Variants in NEBL observed in about 807,000 individuals in gnomAD.
NEBL encodes the protein LIM and SH3 protein 2.
NEBL carries 122 observed loss-of-function variants against 140.2 expected under a neutral mutation model. The observed-to-expected ratio is 0.87, with a 90% confidence interval of 0.75 to 1.01. The LOEUF (loss-of-function observed/expected upper bound fraction) is 1.01. NEBL is among the 50% of genes least tolerant of loss of function. The pLI is 0.00. For synonymous variants in NEBL, 436 were observed against 398.9 expected (o/e 1.09, Z -1.11); for missense variants, 1,365 against 1,231.3 (o/e 1.11, Z -1.62).
At chr10:20,970,635 C>A (rs1368169731) in intron 3 of NEBL, among the ~76,000 whole-genome samples, 1 of 151,130 alleles carries the variant, frequency 6.6e-6, no homozygotes, top group South Asian at 2.1e-4. Flanking sequence ...GAAAACAGAG[C>A]GAGACCTCAT....
At chr10:20,972,342 A>T (rs961328003) in intron 3 of NEBL, among the ~76,000 whole-genome samples, 1 of 152,238 alleles carries the variant, frequency 6.6e-6, no homozygotes, top group Non-Finnish European at 1.5e-5. Flanking sequence ...TGATCAGGCA[A>T]ACACCAACTG....
At chr10:21,242,836 G>C (rs1483589628) in intron 3 of NEBL, among the ~76,000 whole-genome samples, 2 of 152,134 alleles carry the variant, frequency 1.3e-5, no homozygotes, top group African/African-American at 4.8e-5. Flanking sequence ...TAAGGAAGCT[G>C]TAAACCAAGT....
chr10:21,179,505 T>C (rs984521293), upstream of NEBL, among the ~76,000 whole-genome samples: 4 of 150,222 alleles, frequency 2.7e-5, no homozygotes, highest in African/African-American at 9.9e-5. Flanking sequence ...CGCTCCATCA[T>C]CCCCTTAAGA....
At chr10:21,039,273 T>C (rs982866920) in intron 2 of NEBL, among the ~76,000 whole-genome samples, 3 of 152,192 alleles carry the variant, frequency 2.0e-5, no homozygotes, top group African/African-American at 7.2e-5. Context: ...CCATTGCTTT[T>C]GGTGTTTTAG....
chr10:20,805,677 AC>A (rs942339830), intron 26 of NEBL, among the ~76,000 whole-genome samples: 3 of 151,986 alleles, frequency 2.0e-5, no homozygotes, highest in African/African-American at 7.3e-5. Flanking sequence ...ACACGGTGAA[AC>A]CCCATCTCTA....
intron 1 of NEBL, among the ~76,000 whole-genome samples, chr10:21,275,797 C>T (rs1238590097): frequency 6.7e-6 from 1 of 149,490 alleles, no homozygotes; most frequent in Non-Finnish European, 1.5e-5. Flanking sequence ...AGTGCCACCA[C>T]ACCCAGCTAA....
chr10:21,244,248 C>G (rs1842485943), intron 3 of NEBL, among the ~76,000 whole-genome samples: 1 of 151,936 alleles, frequency 6.6e-6, no homozygotes, highest in Non-Finnish European at 1.5e-5. Context: ...TCACTGCAAC[C>G]TCTGCCTCTT....
At chr10:21,070,994 T>G (rs1230736685) in intron 2 of NEBL, among the ~76,000 whole-genome samples, 2 of 151,226 alleles carry the variant, frequency 1.3e-5, no homozygotes, top group Non-Finnish European at 2.9e-5. Context: ...CCAGGCAACA[T>G]AGCAACACTC....
In NEBL at chr10:20,808,055, C is replaced by A. The variant is rs570028701; in HGVS notation, c.2761+455G>T. 2.1e-3 allele frequency among the ~76,000 whole-genome samples: 316 copies of A among 151,158 alleles called. 1 individual carries two copies. The highest frequency in any genetic ancestry group is 7.4e-3 in the African/African-American group (307 of 41,256). On this transcript the variant is annotated intron_variant, in intron 26 of 27. Transcript: ENST00000377122. ...TTTTGGCAAGGTCTAACTCTGTCTGCAAGTTTATATTAATATTTAAAATAT... is the reference window on the plus strand; with the variant it reads ...TTTTGGCAAGGTCTAACTCTGTCTGAAAGTTTATATTAATATTTAAAATAT...
At chr10:21,197,846 C>T (rs550311987) in intron 3 of NEBL, among the ~76,000 whole-genome samples, 23 of 152,280 alleles carry the variant, frequency 1.5e-4, no homozygotes, top group Admixed American at 2.6e-4. Flanking sequence ...CACCAAAAAA[C>T]GCAGTTTCCA....
intron 2 of NEBL, among the ~76,000 whole-genome samples, chr10:21,108,993 T>C (rs1837846619): frequency 6.6e-6 from 1 of 152,174 alleles, no homozygotes; most frequent in South Asian, 2.1e-4. Context: ...CGTTTATTTC[T>C]TTCTCTTGCC....
rs1182407702 is a variant in NEBL, at chr10:20,939,454, C to T, written c.357+22218G>A. ...AGGAAGCACGAAACTTGGAAAGGAA[C>T]AACTGGTACCAGCCACTGCAAAAAC... On this transcript the variant is annotated intron_variant, in intron 4 of 6. Coordinates refer to the NEBL transcript ENST00000417816. 4.6e-5 allele frequency among the ~76,000 whole-genome samples: 7 copies of T among 152,280 alleles called. No homozygotes were observed. In the East Asian group the frequency reaches 9.6e-4, roughly 21 times the overall value.
At chr10:20,890,068 G>A (rs772908467) in intron 2 of NEBL, 119 bp from the exon 3 acceptor site, 1 of 679,086 alleles carries the variant, frequency 1.5e-6, no homozygotes, top group Non-Finnish European at 2.5e-6. Flanking sequence ...AAGTGTGAAA[G>A]GGACCTCAAA....
At chr10:20,999,936 T>C (rs1837822386) in intron 3 of NEBL, among the ~76,000 whole-genome samples, 1 of 152,058 alleles carries the variant, frequency 6.6e-6, no homozygotes. Flanking sequence ...ATGCAAACCG[T>C]AATGACTAAG....
At chr10:21,196,825 T>C (rs1841660521) in intron 3 of NEBL, among the ~76,000 whole-genome samples, 1 of 152,270 alleles carries the variant, frequency 6.6e-6, no homozygotes, top group South Asian at 2.1e-4. Context: ...ACCCAGTCTA[T>C]GTCAATATCA....
At chr10:21,067,117 C>G (rs11012501) in intron 2 of NEBL, among the ~76,000 whole-genome samples, 1 of 151,180 alleles carries the variant, frequency 6.6e-6, no homozygotes, top group African/African-American at 2.4e-5. Context: ...GGACTACAGG[C>G]GCCCGCCACC....
chr10:21,211,315 C>CA (rs59958781), intron 3 of NEBL, among the ~76,000 whole-genome samples: 33,686 of 151,646 alleles, frequency 0.22, 6,509 homozygotes, highest in African/African-American at 0.53. Flanking sequence ...CGCGTTTCTA[C>CA]AAAAAAATAA....
chr10:20,925,954 G>C (rs1209247821), intron 4 of NEBL, among the ~76,000 whole-genome samples: 1 of 152,150 alleles, frequency 6.6e-6, no homozygotes, highest in Non-Finnish European at 1.5e-5. Context: ...GCTGTCTATA[G>C]GTGTGGGCCA....
rs149647714 is a variant in NEBL at position 21,231,821 on chromosome 10, C to T, written n.348+16100G>A. On this transcript the variant is annotated intron_variant and non_coding_transcript_variant, in intron 3 of 8. Transcript: ENST00000675702. Reference sequence around the variant, plus strand: ...GATGAAAACTAAAAATAAAATTCTACGCCCTCCAACCATGGAACAGACCCC... The same window carrying T: ...GATGAAAACTAAAAATAAAATTCTATGCCCTCCAACCATGGAACAGACCCC... 1.3e-4 allele frequency among the ~76,000 whole-genome samples: 20 copies of T among 152,170 alleles called. No individual in the cohort carries two copies. In the East Asian group the frequency reaches 3.3e-3, roughly 25 times the overall value.
Sources: allele counts gnomAD v4.1 joint callset (sites outside exome capture counted in the v4.1 genomes callset), GRCh38; gene constraint gnomAD v4.1.1; transcripts MANE v1.5; gene names NCBI Gene and HGNC (gene_info 2026-07-23, HGNC 2026-07-21).